DGKZ: variants seen among roughly 807,000 people sequenced by gnomAD.
DGKZ encodes DAG kinase zeta.
Under a neutral mutation model 142.5 loss-of-function variants are expected in DGKZ, and 45 were observed. The ratio of observed to expected loss-of-function variants is 0.32; its 90% CI spans 0.25 to 0.40. The LOEUF (loss-of-function observed/expected upper bound fraction) is 0.40, where lower values mean the gene tolerates loss of function less well. Among genes scored for constraint, DGKZ ranks in the 10% least tolerant of loss-of-function variants. The pLI is 1.00. For synonymous variants in DGKZ, 442 were observed against 527.0 expected (o/e 0.84, Z 2.21); for missense variants, 755 against 1,306.5 (o/e 0.58, Z 6.51).
At chr11:46,364,788 G>T (rs1281677204) in intron 1 of DGKZ, 1 of 985,316 alleles carries the variant, frequency 1.0e-6, no homozygotes, top group African/African-American at 1.7e-5. Flanking sequence ...TGCGTCCAGG[G>T]CATCACCCAC....
intron 29 of DGKZ, 104 bp downstream of exon 29, chr11:46,379,340 C>G: frequency 6.3e-7 from 1 of 1,577,432 alleles, no homozygotes; most frequent in South Asian, 1.2e-5. Context: ...CTGGTCACAT[C>G]TGTCATCCCC....
chr11:46,353,747 T>TCTACAGCATCTGTAGATGAGGG (rs1299413117), intron 1 of DGKZ, among the ~76,000 whole-genome samples: 1 of 144,008 alleles, frequency 6.9e-6, no homozygotes, highest in Admixed American at 6.8e-5. Flanking sequence ...GGCCCCAGCA[T>TCTACAGCATCTGTAGATGAGGG]CCTCCTCATC....
chr11:46,355,639 G>C (rs1769067151), intron 1 of DGKZ, among the ~76,000 whole-genome samples: 2 of 152,232 alleles, frequency 1.3e-5, no homozygotes, highest in East Asian at 3.9e-4. Context: ...GAAGGCCTTT[G>C]TCCCCTGTGT....
chr11:46,377,078 C>A, exon 25 of DGKZ: 1 of 1,613,170 alleles, frequency 6.2e-7, no homozygotes, highest in East Asian at 2.2e-5. Flanking sequence ...CACAGGAGCA[C>A]CTCAACTATG....
chr11:46,377,355 C>T (rs927055787), intron 25 of DGKZ, 143 bp downstream of exon 25: 3 of 1,405,920 alleles, frequency 2.1e-6, no homozygotes, highest in Non-Finnish European at 2.8e-6. Flanking sequence ...ACCTGACGGC[C>T]TTCAGCCCTG....
At chr11:46,364,166 T>C (rs1460227569) in intron 1 of DGKZ, among the ~76,000 whole-genome samples, 1 of 152,240 alleles carries the variant, frequency 6.6e-6, no homozygotes, top group East Asian at 1.9e-4. Flanking sequence ...ACCCCATTTC[T>C]GGGACGCAGG....
exon 22 of DGKZ, chr11:46,376,145 G>A (rs778135639): frequency 7.4e-6 from 12 of 1,611,030 alleles, no homozygotes; most frequent in Non-Finnish European, 1.0e-5. Context: ...GACTCCAGCA[G>A]GTAAGGGGTG....
upstream of DGKZ, chr11:46,345,350 C>T: frequency 7.2e-7 from 1 of 1,391,390 alleles, no homozygotes; most frequent in Non-Finnish European, 9.3e-7. This position sits in a 1 kb window ranked among gnomAD's most constrained non-coding sequence, Gnocchi z 4.1. Context: ...CTAGCAGGCC[C>T]CCCCCTCGAC....
At chr11:46,336,929 G>C (rs897809371) in intron 1 of DGKZ, among the ~76,000 whole-genome samples, 1 of 152,148 alleles carries the variant, frequency 6.6e-6, no homozygotes, top group Admixed American at 6.5e-5. Context: ...GTTGAGGTGG[G>C]AGGATTGCTT....
upstream of DGKZ, among the ~76,000 whole-genome samples, chr11:46,346,495 C>T (rs982777633): frequency 1.3e-5 from 2 of 152,094 alleles, no homozygotes; most frequent in African/African-American, 2.4e-5. Context: ...TGGAGGGGGA[C>T]GGCCTCGGCT....
At chr11:46,380,117 A>G in exon 31 of DGKZ, 1 of 670,152 alleles carries the variant, frequency 1.5e-6, no homozygotes, top group Non-Finnish European at 2.5e-6. Flanking sequence ...TGGACTCAGG[A>G]GCTGGGGGGG....
At chr11:46,338,293 C>T (rs1011516878) in intron 1 of DGKZ, among the ~76,000 whole-genome samples, 18 of 151,892 alleles carry the variant, frequency 1.2e-4, no homozygotes, top group East Asian at 1.9e-4. Flanking sequence ...CTCAGGAGTT[C>T]GAGGCCAGCC....
chr11:46,375,968 G>A lies in DGKZ; in HGVS notation c.2011+17G>A, dbSNP rs758519369. 1.2e-5 allele frequency: 19 copies of A among 1,611,040 alleles called. No individual in the cohort carries two copies. The highest frequency in any genetic ancestry group is 2.2e-5 in the South Asian group (2 of 90,936). Reference sequence around the variant, plus strand: ...AGGAGGCCTGTGAGTGCGGTGGGGCGGCCTGGCAGGGTGGCCAGGAGGGGC... The same window carrying A: ...AGGAGGCCTGTGAGTGCGGTGGGGCAGCCTGGCAGGGTGGCCAGGAGGGGC... On this transcript the variant is annotated intron_variant, in intron 21 of 30. Transcript: ENST00000527911.
intron 1 of DGKZ, among the ~76,000 whole-genome samples, chr11:46,362,660 A>G (rs1341385484): frequency 6.6e-6 from 1 of 152,148 alleles, no homozygotes; most frequent in Admixed American, 6.5e-5. Context: ...AGGTTAGTGG[A>G]TCAGTCTAGG....
chr11:46,349,926 T>A (rs1289193181), intron 1 of DGKZ, among the ~76,000 whole-genome samples: 2 of 152,218 alleles, frequency 1.3e-5, no homozygotes, highest in Non-Finnish European at 2.9e-5. Flanking sequence ...ACCCATCAGG[T>A]CTGGAGGTGG....
At chr11:46,380,109 G>C (rs1410954346) in exon 31 of DGKZ, 1 of 721,762 alleles carries the variant, frequency 1.4e-6, no homozygotes, top group Non-Finnish European at 2.2e-6. Flanking sequence ...CCTAGGGCTG[G>C]ACTCAGGAGC....
At chr11:46,368,016 T>C in exon 4 of DGKZ, 1 of 1,613,894 alleles carries the variant, frequency 6.2e-7, no homozygotes, top group Non-Finnish European at 8.5e-7. Context: ...AGTCAGTGTC[T>C]CGAAGAAAGT....
At chr11:46,355,735 G>C (rs898347373) in intron 1 of DGKZ, among the ~76,000 whole-genome samples, 14 of 151,916 alleles carry the variant, frequency 9.2e-5, no homozygotes, top group African/African-American at 2.9e-4. Context: ...TGAGGGGGGA[G>C]GTGTTAAATT....
In DGKZ at chr11:46,347,857, C is replaced by T. The variant is rs1014764945; in HGVS notation, c.161+37C>T. The T allele has an allele frequency of 8.6e-6, 11 of 1,272,702 alleles. No individual in the cohort carries two copies. The African/African-American group carries it at 1.4e-4, about 16-fold the overall frequency. 78.8% of individuals were successfully genotyped at this position (1,272,702 alleles called of 1,614,324 possible). A position where few individuals can be genotyped will look rare whatever the true frequency, so the allele number is the denominator to read the frequency against. ...GGCGGCGGGGCAGGCACCGAGGCAC[C>T]GGCAGGTTACCGCTCCCTCACCGGG... On this transcript the variant is annotated intron_variant, in intron 1 of 30. Coordinates refer to ENST00000527911, the Ensembl canonical transcript of DGKZ. This position sits in a 1 kb window ranked among gnomAD's most constrained non-coding sequence, Gnocchi z 6.4.
Sources: gnomAD v4.1 joint callset for allele counts (sites outside exome capture counted in the v4.1 genomes callset) on GRCh38, gnomAD v4.1.1 for gene constraint, Gnocchi (gnomAD v3.1) non-coding constraint, MANE v1.5 for transcripts, NCBI Gene and HGNC (gene_info 2026-07-23, HGNC 2026-07-21) for gene names.